Variants in FHOD3 observed in about 807,000 individuals in gnomAD.
FHOD3 encodes the protein formin homology 2 domain containing 3.
In FHOD3, 90 loss-of-function variants were observed where a neutral mutation model predicts 173.0. That is an observed-to-expected ratio of 0.52 (90% confidence interval 0.44 to 0.62). The LOEUF (loss-of-function observed/expected upper bound fraction) is 0.62. FHOD3 is among the 20% of genes least tolerant of loss of function. FHOD3 has a pLI of 0.00. For missense variants in FHOD3, 1,945 were observed against 2,034.7 expected (o/e 0.96, Z 0.85); for synonymous variants, 828 against 823.0 (o/e 1.01, Z -0.10).
intron 3 of FHOD3, among the ~76,000 whole-genome samples, chr18:36,449,698 C>T (rs2051709993): frequency 6.6e-6 from 1 of 152,120 alleles, no homozygotes; most frequent in Non-Finnish European, 1.5e-5. Flanking sequence ...TAAAAAATGG[C>T]ATTCCGTTCC....
At chr18:36,409,513 C>T (rs2049242451) in intron 3 of FHOD3, among the ~76,000 whole-genome samples, 1 of 152,116 alleles carries the variant, frequency 6.6e-6, no homozygotes, top group South Asian at 2.1e-4. Context: ...CAGGAACCTT[C>T]CCGTGTTATT....
intron 6 of FHOD3, among the ~76,000 whole-genome samples, chr18:36,587,360 G>T (rs570223435): frequency 6.6e-6 from 1 of 152,284 alleles, no homozygotes; most frequent in African/African-American, 2.4e-5. Context: ...AGTTTAGTCA[G>T]GAGGGGGAGC....
intron 5 of FHOD3, among the ~76,000 whole-genome samples, chr18:36,557,436 G>T (rs187026488): frequency 4.6e-5 from 7 of 151,118 alleles, no homozygotes; most frequent in Non-Finnish European, 7.4e-5. Flanking sequence ...TCCATTAATC[G>T]CATCCAGTGT....
chr18:36,634,824 T>G (rs189687566), intron 10 of FHOD3, among the ~76,000 whole-genome samples: 4 of 144,892 alleles, frequency 2.8e-5, no homozygotes, highest in Non-Finnish European at 6.1e-5. Context: ...GATATTACTC[T>G]GTTAAGGTAA....
At chr18:36,715,284 GT>G (rs1348215157) in intron 18 of FHOD3, among the ~76,000 whole-genome samples, 1 of 152,228 alleles carries the variant, frequency 6.6e-6, no homozygotes, top group East Asian at 1.9e-4. Flanking sequence ...AGATCTGATA[GT>G]TTTTTAAGGC....
intron 5 of FHOD3, among the ~76,000 whole-genome samples, chr18:36,552,146 A>T (rs2057684052): frequency 6.6e-6 from 1 of 152,140 alleles, no homozygotes; most frequent in South Asian, 2.1e-4. Flanking sequence ...ATGTTCTTCC[A>T]TTTGTTTGTG....
chr18:36,423,077 T>TC (rs1417857730), intron 3 of FHOD3, among the ~76,000 whole-genome samples: 1 of 147,090 alleles, frequency 6.8e-6, no homozygotes, highest in Non-Finnish European at 1.5e-5. Context: ...GGTACACATG[T>TC]CCCCCTCACC....
chr18:36,624,445 C>T (rs1003619998), intron 9 of FHOD3, among the ~76,000 whole-genome samples: 12 of 152,058 alleles, frequency 7.9e-5, no homozygotes, highest in East Asian at 1.9e-4. Context: ...AGAATGTAGG[C>T]GTAGGCATAA....
chr18:36,723,126 G>A (rs1447046583), intron 19 of FHOD3, among the ~76,000 whole-genome samples: 1 of 152,132 alleles, frequency 6.6e-6, no homozygotes, highest in Non-Finnish European at 1.5e-5. Flanking sequence ...TGGAGGGCAT[G>A]GAGACTCCCT....
chr18:36,633,175 G>A (rs1010021044), intron 10 of FHOD3, among the ~76,000 whole-genome samples: 1 of 152,290 alleles, frequency 6.6e-6, no homozygotes, highest in East Asian at 1.9e-4. Flanking sequence ...CTAGAGGAAG[G>A]TCATATACCA....
chr18:36,509,089 A>G (rs1415010167), intron 4 of FHOD3, among the ~76,000 whole-genome samples: 1 of 152,240 alleles, frequency 6.6e-6, no homozygotes, highest in East Asian at 1.9e-4. Context: ...GGTGTAACCA[A>G]CAAAATCTGG....
At chr18:36,388,695 G>A (rs893001560) in intron 3 of FHOD3, among the ~76,000 whole-genome samples, 2 of 152,196 alleles carry the variant, frequency 1.3e-5, no homozygotes, top group African/African-American at 4.8e-5. Context: ...TGAGGGCAGA[G>A]CCCAGGCACA....
chr18:36,453,516 G>A (rs2144413811), intron 3 of FHOD3, among the ~76,000 whole-genome samples: 1 of 152,358 alleles, frequency 6.6e-6, no homozygotes, highest in East Asian at 1.9e-4. Flanking sequence ...TCTGCGCAAT[G>A]CAGCCTCCAG....
chr18:36,584,876 A>G (rs985724625), intron 6 of FHOD3, among the ~76,000 whole-genome samples: 32 of 152,206 alleles, frequency 2.1e-4, no homozygotes, highest in Admixed American at 2.6e-4. Context: ...CAAAAATAAC[A>G]TACTCTCTTT....
intron 1 of FHOD3, among the ~76,000 whole-genome samples, chr18:36,323,313 GTT>G (rs961748973): frequency 3.7e-4 from 57 of 152,088 alleles, no homozygotes; most frequent in African/African-American, 1.3e-3. Flanking sequence ...TTTGTTTTTT[GTT>G]TTTGAGACTG....
intron 3 of FHOD3, among the ~76,000 whole-genome samples, chr18:36,500,209 T>G (rs978509455): frequency 2.6e-5 from 4 of 152,188 alleles, no homozygotes; most frequent in Admixed American, 2.6e-4. Context: ...TAGTGGGAGT[T>G]TCCACAGGAG....
intron 14 of FHOD3, among the ~76,000 whole-genome samples, chr18:36,668,798 C>A (rs1036019908): frequency 6.6e-6 from 1 of 152,006 alleles, no homozygotes; most frequent in African/African-American, 2.4e-5. Context: ...TTCCAACTAT[C>A]TTTCTGTTAC....
intron 3 of FHOD3, among the ~76,000 whole-genome samples, chr18:36,410,699 G>A (rs2049315551): frequency 6.6e-6 from 1 of 152,110 alleles, no homozygotes; most frequent in African/African-American, 2.4e-5. Context: ...GCTGTTTTTA[G>A]TGAGTTTGAA....
Position 36,779,607 on chromosome 18 carries a change from G to T in FHOD3, c.*77G>T. Reference sequence around the variant, plus strand: ...GGATGAAACCCCTCCAGGTGGGGTTGGGGAGACTTGATATTCACATCCAAC... The same window carrying T: ...GGATGAAACCCCTCCAGGTGGGGTTTGGGAGACTTGATATTCACATCCAAC... On this transcript the variant is annotated 3_prime_UTR_variant, in exon 29 of 29. Transcript: ENST00000590592. 1 of 1,271,206 alleles carries T rather than the reference G, an allele frequency of 7.9e-7. No individual in the cohort carries two copies. 78.7% of individuals were successfully genotyped at this position (1,271,206 alleles called of 1,614,324 possible). A position where few individuals can be genotyped will look rare whatever the true frequency, so the allele number is the denominator to read the frequency against.
Sources: gnomAD v4.1 joint callset for allele counts (sites outside exome capture counted in the v4.1 genomes callset) on GRCh38, gnomAD v4.1.1 for gene constraint, MANE v1.5 for transcripts, NCBI Gene and HGNC (gene_info 2026-07-23, HGNC 2026-07-21) for gene names.